The following KLF8 variants were observed in gnomAD, a reference collection of about 807,000 sequenced individuals.
KLF8 encodes KLF transcription factor 8.
Under a neutral mutation model 18.2 loss-of-function variants are expected in KLF8, and 10 were observed. The observed-to-expected ratio is 0.55, with a 90% CI of 0.34 to 0.93. The LOEUF (loss-of-function observed/expected upper bound fraction) is 0.93. Among genes scored for constraint, KLF8 ranks in the 40% least tolerant of loss-of-function variants. The pLI is 0.02. For synonymous variants in KLF8, 109 were observed against 97.3 expected (o/e 1.12, Z -0.71); for missense variants, 264 against 277.9 (o/e 0.95, Z 0.36).
chrX:56,043,943 G>A, the KLF8 span, among the ~76,000 whole-genome samples: 1 of 112,292 alleles, frequency 8.9e-6, no homozygotes, highest in Non-Finnish European at 1.9e-5. Flanking sequence ...GGCTTTATCT[G>A]CCTTCTATCT....
At chrX:55,925,013 G>A in the KLF8 span, among the ~76,000 whole-genome samples, 7 of 98,961 alleles carry the variant, frequency 7.1e-5, no homozygotes, top group African/African-American at 2.4e-4. Context: ...CTGCCACCAC[G>A]CCCAGCTAAT....
At chrX:56,185,678 G>A in the KLF8 span, among the ~76,000 whole-genome samples, 316 of 111,929 alleles carry the variant, frequency 2.8e-3, 1 homozygote, top group South Asian at 6.7e-3. Context: ...CGAATCTCTC[G>A]GCAGAAACTC....
At chrX:56,046,848 T>G in the KLF8 span, among the ~76,000 whole-genome samples, 1 of 111,504 alleles carries the variant, frequency 9.0e-6, no homozygotes, top group Admixed American at 9.6e-5. Context: ...CTGATGACTA[T>G]GTGCTTAGGC....
intron 1 of KLF8, among the ~76,000 whole-genome samples, chrX:56,239,813 G>GT (rs1225405100): frequency 9.0e-6 from 1 of 111,333 alleles, no homozygotes; most frequent in African/African-American, 3.3e-5. Context: ...GCTCCATTTT[G>GT]TTTTCTTTTA....
rs1054240722 is a variant in KLF8 at position 56,238,327 on chromosome X, T to C, written c.7+4986T>C. On this transcript the variant is annotated intron_variant, in intron 1 of 5. Coordinates refer to ENST00000468660, the MANE Select transcript of KLF8 (RefSeq NM_007250.5). ...CCCATCTATATTAAAAATACAAAATTAGCCGGGTGTGGTGGTGCATGCCTG... is the reference window on the plus strand; with the variant it reads ...CCCATCTATATTAAAAATACAAAATCAGCCGGGTGTGGTGGTGCATGCCTG... Among the ~76,000 whole-genome samples the C allele has an allele frequency of 2.7e-5, 3 of 110,683 alleles. No homozygotes were observed. In the Admixed American group the frequency reaches 2.9e-4, roughly 11 times the overall value.
At chrX:56,188,633 C>G in the KLF8 span, among the ~76,000 whole-genome samples, 1 of 112,008 alleles carries the variant, frequency 8.9e-6, no homozygotes, top group East Asian at 2.8e-4. Context: ...TACAATGCTA[C>G]AGTAACCAAA....
the KLF8 span, among the ~76,000 whole-genome samples, chrX:55,954,249 T>C: frequency 6.3e-4 from 70 of 111,700 alleles, no homozygotes; most frequent in East Asian, 0.011. Flanking sequence ...ACATCTTACT[T>C]GTTTTGTTTG....
chrX:56,067,931 G>A, the KLF8 span, among the ~76,000 whole-genome samples: 2 of 112,468 alleles, frequency 1.8e-5, no homozygotes, highest in Admixed American at 1.9e-4. Context: ...TGCTGGAAGA[G>A]GCTCAGCACC....
At chrX:55,963,886 C>A in the KLF8 span, among the ~76,000 whole-genome samples, 1 of 111,615 alleles carries the variant, frequency 9.0e-6, no homozygotes, top group Admixed American at 9.5e-5. Flanking sequence ...CAATTCTCAA[C>A]AATTTTTTTT....
At chrX:56,266,688 T>A (rs1046200239) in intron 3 of KLF8, 1 of 752,442 alleles carries the variant, frequency 1.3e-6, no homozygotes, top group Admixed American at 8.9e-5. Flanking sequence ...TAATCAGGAA[T>A]GATCAAGGAA....
chrX:56,059,310 C>G, the KLF8 span, among the ~76,000 whole-genome samples: 1 of 111,802 alleles, frequency 8.9e-6, no homozygotes, highest in Admixed American at 9.5e-5. Context: ...GTTGCCTGTT[C>G]ACTCTGATGA....
At chrX:55,954,643 G>A in the KLF8 span, among the ~76,000 whole-genome samples, 1 of 111,972 alleles carries the variant, frequency 8.9e-6, no homozygotes, top group East Asian at 2.8e-4. Flanking sequence ...TCCAAAAGAC[G>A]AAACTGATTT....
the KLF8 span, among the ~76,000 whole-genome samples, chrX:56,148,110 A>T: frequency 1.2e-4 from 14 of 112,469 alleles, no homozygotes; most frequent in Admixed American, 1.3e-3. Context: ...ATGTTTGGGC[A>T]TATGCTACAT....
At chrX:56,196,035 G>A in the KLF8 span, among the ~76,000 whole-genome samples, 2 of 111,416 alleles carry the variant, frequency 1.8e-5, no homozygotes, top group Non-Finnish European at 3.8e-5. Flanking sequence ...CAGATGCTGA[G>A]AGATTATGTC....
At chrX:56,234,946 C>T (rs2066455048) in intron 1 of KLF8, among the ~76,000 whole-genome samples, 1 of 111,526 alleles carries the variant, frequency 9.0e-6, no homozygotes, top group African/African-American at 3.3e-5. Context: ...TGTAGTCCAC[C>T]CTCAAGACCA....
the KLF8 span, among the ~76,000 whole-genome samples, chrX:56,148,258 A>G: frequency 1.8e-5 from 2 of 111,493 alleles, no homozygotes; most frequent in Admixed American, 9.6e-5. Flanking sequence ...AAATATGAAT[A>G]ACTTAAAATT....
the KLF8 span, among the ~76,000 whole-genome samples, chrX:56,077,306 A>G: frequency 8.9e-6 from 1 of 111,933 alleles, no homozygotes; most frequent in East Asian, 2.8e-4. Flanking sequence ...TCCATCTTGA[A>G]TTAATTTTTG....
chrX:56,081,839 A>G, the KLF8 span, among the ~76,000 whole-genome samples: 1 of 112,007 alleles, frequency 8.9e-6, no homozygotes, highest in African/African-American at 3.2e-5. Context: ...TTCTTTTAAT[A>G]TGCTGTTGAA....
chrX:55,921,775 A>G, the KLF8 span, among the ~76,000 whole-genome samples: 1 of 112,029 alleles, frequency 8.9e-6, no homozygotes, highest in Admixed American at 9.5e-5. Flanking sequence ...GTACAAGAAT[A>G]AAAAAACCCC....
Sources: gnomAD v4.1 joint callset for allele counts (sites outside exome capture counted in the v4.1 genomes callset) on GRCh38, gnomAD v4.1.1 for gene constraint, MANE v1.5 for transcripts, NCBI Gene and HGNC (gene_info 2026-07-23, HGNC 2026-07-21) for gene names.